Variants in AMER1 observed in about 807,000 individuals in gnomAD.
AMER1 encodes RP11-403E24.2.
AMER1 carries 16 observed loss-of-function variants against 53.0 expected under a neutral mutation model. The ratio of observed to expected loss-of-function variants is 0.30; its 90% CI spans 0.20 to 0.46. The LOEUF is 0.46. AMER1 is among the 20% of genes least tolerant of loss of function. The pLI is 1.00. For synonymous variants in AMER1, 354 were observed against 331.9 expected (o/e 1.07, Z -0.73); for missense variants, 947 against 884.9 (o/e 1.07, Z -0.89).
intron 1 of AMER1, among the ~76,000 whole-genome samples, chrX:64,204,579 C>T (rs1930557316): frequency 8.8e-6 from 1 of 113,260 alleles, no homozygotes; most frequent in Non-Finnish European, 1.9e-5. Context: ...ACCTCGCTAG[C>T]TCTCCTGTAC....
chrX:64,193,719 G>C (rs1448557740), intron 1 of AMER1, among the ~76,000 whole-genome samples: 6 of 111,922 alleles, frequency 5.4e-5, no homozygotes, highest in African/African-American at 2.0e-4. Context: ...TTGGCTGTGG[G>C]AGGTATTATC....
Position 64,192,017 on chromosome X carries a change from C to T in AMER1, c.1270G>A (p.Gly424Ser), listed in dbSNP as rs1930257828. The stretch of plus-strand genomic sequence containing the variant: ...CCTGGGGATGTGGTGGGATGGTAGC[C>T]CAGGTTCATATTGGGCCGTGGATAC... ...QMYPRPNMNL[G>S]YHPTTSPGHH... is the part of the protein sequence containing the mutation. The change falls in exon 2 of 2, where the codon GGC (glycine) becomes AGC (serine). Residue 424 changes from glycine (G) to serine (S), a missense_variant. Gly to Ser is a moderately conservative substitution (Grantham distance 56). Coordinates refer to ENST00000374869, the MANE Select transcript of AMER1 (RefSeq NM_152424.4). 8.3e-7 allele frequency: 1 copy of T among 1,210,084 alleles called. No individual in the cohort carries two copies. Among genetic ancestry groups the T allele is most frequent in the African/African-American group, 1.8e-5 (1 of 57,122 alleles).
intron 1 of AMER1, among the ~76,000 whole-genome samples, chrX:64,202,853 C>A (rs1930516972): frequency 8.9e-6 from 1 of 111,895 alleles, no homozygotes. Context: ...ATTCCCTACT[C>A]TTTGATGCCG....
intron 1 of AMER1, 119 bp downstream of exon 1, chrX:64,205,451 C>A (rs748039675): frequency 9.0e-6 from 1 of 111,603 alleles, no homozygotes; most frequent in Non-Finnish European, 1.9e-5. Context: ...GAGGGGCGAG[C>A]GACCGGGACT....
In AMER1 at chrX:64,189,989, T is replaced by G; in HGVS notation, c.3298A>C (p.Thr1100Pro). The change falls in exon 2 of 2, where the codon ACT becomes CCT. Residue 1100 changes from threonine (T) to proline (P), a missense_variant. Physicochemically the swap from Thr to Pro is conservative, Grantham distance 38. Transcript: ENST00000374869. The stretch of plus-strand genomic sequence containing the variant: ...TCAAGGCTGGAAGGCCCATAGTGAG[T>G]GGGCTGAGGCTGGGGGTGCTCAGGC... ...VRPEHPQPQP[T>P]HYGPSSLDLS... The G allele has an allele frequency of 8.3e-7, 1 of 1,206,886 alleles. No homozygotes were observed. The highest frequency in any genetic ancestry group is 1.1e-6 in the Non-Finnish European group (1 of 893,256).
Position 64,193,354 on chromosome X carries a change from C to G in AMER1, c.-68G>C, listed in dbSNP as rs2147091680. ...CTCAGGCTTCCAGGCACTGTTATAA[C>G]ATTATCAGTCAGGAAGCATCACAGT... On this transcript the variant is annotated 5_prime_UTR_variant, in exon 2 of 2. It removes an upstream start codon present in the reference 5' UTR. Transcript: ENST00000374869. 8.3e-7 allele frequency: 1 copy of G among 1,201,117 alleles called. No homozygotes were observed. The highest frequency in any genetic ancestry group is 1.1e-6 in the Non-Finnish European group (1 of 888,629).
chrX:64,190,243 T>A lies in AMER1; in HGVS notation c.3044A>T (p.Glu1015Val), dbSNP rs756772667. ...GGGACGAGCTAGTTGAGGCCCAGAT[T>A]CCCCAGGTGCCCTTGACTCTGGCAC... ...LSVPESRAPG[E>V]SGPQLARPSH... Residue 1015 changes from glutamate (E) to valine (V), a missense_variant, in exon 2 of 2, where the codon GAA becomes GTA. Transcript: ENST00000374869. The A allele has an allele frequency of 8.3e-7, 1 of 1,210,652 alleles. No individual in the cohort carries two copies. The highest frequency in any genetic ancestry group is 1.7e-5 in the African/African-American group (1 of 57,439).
chrX:64,189,792 A>ATGGGGGGGGGGGG lies in AMER1; in HGVS notation c.*86_*87insCCCCCCCCCCCCA. On this transcript the variant is annotated 3_prime_UTR_variant, in exon 2 of 2. Transcript: ENST00000374869. Reference sequence around the variant, plus strand: ...CCAAAGGGTTTTCAAGTTAAACAACAACCCCCACCCCCCCACCCTTCTGCC... The same window carrying ATGGGGGGGGGGGG: ...CCAAAGGGTTTTCAAGTTAAACAACATGGGGGGGGGGGGACCCCCACCCCCCCACCCTTCTGCC... The ATGGGGGGGGGGGG allele has an allele frequency of 1.3e-6, 1 of 746,979 alleles. No individual in the cohort carries two copies. The highest frequency in any genetic ancestry group is 1.7e-6 in the Non-Finnish European group (1 of 590,434). 61.6% of individuals were successfully genotyped at this position (746,979 alleles called of 1,213,427 possible).
Position 64,187,767 on chromosome X carries a change from A to C in AMER1, c.*2112T>G. ...AATTTCAGCCCCACCATCCCAGAGC[A>C]GCTTTGGTAAGAGGCCAGAAAGTTG... On this transcript the variant is annotated 3_prime_UTR_variant, in exon 2 of 2. Transcript: ENST00000374869. 1.3e-6 allele frequency: 1 copy of C among 776,526 alleles called. No individual in the cohort carries two copies. The highest frequency in any genetic ancestry group is 2.2e-5 in the African/African-American group (1 of 44,662). 64.0% of individuals were successfully genotyped at this position (776,526 alleles called of 1,213,427 possible). A position where few individuals can be genotyped will look rare whatever the true frequency, so the allele number is the denominator to read the frequency against.
At position 64,186,518 on chromosome X, in the gene AMER1, T is replaced by A; in HGVS notation, c.*3361A>T. 1.3e-6 allele frequency: 1 copy of A among 782,464 alleles called. No homozygotes were observed. 64.5% of individuals were successfully genotyped at this position (782,464 alleles called of 1,213,427 possible). A position where few individuals can be genotyped will look rare whatever the true frequency, so the allele number is the denominator to read the frequency against. On this transcript the variant is annotated 3_prime_UTR_variant, in exon 2 of 2. Coordinates refer to ENST00000374869, the MANE Select transcript of AMER1 (RefSeq NM_152424.4). ...CTCCCTGCTAAACCCCATGCCTCCC[T>A]CTAGCAACTGGGCCTGGGGGCTGAG...
At position 64,192,153 on chromosome X, in the gene AMER1, A is replaced by G. The variant is rs2147088984; in HGVS notation, c.1134T>C (p.Asp378=). The part of the protein sequence containing the change: ...GGEEMALPDD[D]DEEEEEEEEV... The stretch of plus-strand genomic sequence containing the variant: ...CTTCTTCCTCTTCTTCCTCCTCGTC[A>G]TCATCATCTGGCAAGGCCATCTCCT... Residue 378 remains aspartate, a synonymous_variant, in exon 2 of 2, where the codon GAT becomes GAC. Coordinates refer to ENST00000374869, the MANE Select transcript of AMER1 (RefSeq NM_152424.4). The G allele has an allele frequency of 8.3e-7, 1 of 1,209,658 alleles. No homozygotes were observed. Among genetic ancestry groups the G allele is most frequent in the Non-Finnish European group, 1.1e-6 (1 of 894,498 alleles).
rs911268873 is a variant in AMER1 at position 64,186,045 on chromosome X, G to T, written c.*3834C>A. 7.1e-6 allele frequency: 7 copies of T among 987,014 alleles called. No homozygotes were observed. The highest frequency in any genetic ancestry group is 9.9e-6 in the Non-Finnish European group (7 of 703,955). 81.3% of individuals were successfully genotyped at this position (987,014 alleles called of 1,213,427 possible). On this transcript the variant is annotated 3_prime_UTR_variant, in exon 2 of 2. Coordinates refer to ENST00000374869, the MANE Select transcript of AMER1 (RefSeq NM_152424.4). ...AATAAGACACATGAGTACTCTCAGA[G>T]GGTCTAGACATGGGGAAGAAGGGTT...
chrX:64,191,839 G>A lies in AMER1; in HGVS notation c.1448C>T (p.Ser483Leu), dbSNP rs2147088333. 8.3e-7 allele frequency: 1 copy of A among 1,211,752 alleles called. No homozygotes were observed. The highest frequency in any genetic ancestry group is 1.1e-6 in the Non-Finnish European group (1 of 895,511). ...GCGGACAAGCCCCAGGGCCTCACCT[G>A]AATCATCCTCAAATCCAGGTGTGGT... ...DSTTPGFEDD[S>L]GEALGLVRRD... Residue 483 changes from serine (S) to leucine (L), a missense_variant, in exon 2 of 2, where the codon TCA (serine) becomes TTA (leucine). Coordinates refer to ENST00000374869, the MANE Select transcript of AMER1 (RefSeq NM_152424.4).
chrX:64,189,794 C>CCT lies in AMER1; in HGVS notation c.*84_*85insAG. The CCT allele has an allele frequency of 1.7e-5, 5 of 301,690 alleles. 1 individual carries two copies. The highest frequency in any genetic ancestry group is 1.1e-4 in the Admixed American group (1 of 8,852). 24.9% of individuals were successfully genotyped at this position (301,690 alleles called of 1,213,427 possible). A position where few individuals can be genotyped will look rare whatever the true frequency, so the allele number is the denominator to read the frequency against. ...AAAGGGTTTTCAAGTTAAACAACAA[C>CCT]CCCCACCCCCCCACCCTTCTGCCCA... is the stretch of plus-strand genomic sequence containing the variant. On this transcript the variant is annotated 3_prime_UTR_variant, in exon 2 of 2. Transcript: ENST00000374869.
rs764261510 is a variant in AMER1, at chrX:64,191,164, G to T, written c.2123C>A (p.Thr708Asn). ...GGTACTTTGATCTTTCTTGGAGCAGGTTCCTTCATAACGCTTCTCCAGAGG... is the reference window on the plus strand; with the variant it reads ...GGTACTTTGATCTTTCTTGGAGCAGTTTCCTTCATAACGCTTCTCCAGAGG... ...FRPLEKRYEG[T>N]CSKKDQSTCL... The change falls in exon 2 of 2, where the codon ACC (threonine) becomes AAC (asparagine). Residue 708 changes from threonine (T) to asparagine (N), a missense_variant. Transcript: ENST00000374869. The T allele has an allele frequency of 7.4e-6, 9 of 1,210,768 alleles. No homozygotes were observed. Among genetic ancestry groups the T allele is most frequent in the African/African-American group, 3.5e-5 (2 of 57,454 alleles).
chrX:64,186,219 G>C lies in AMER1; in HGVS notation c.*3660C>G. 3.4e-6 allele frequency: 4 copies of C among 1,187,874 alleles called. No individual in the cohort carries two copies. Among genetic ancestry groups the C allele is most frequent in the Non-Finnish European group, 4.5e-6 (4 of 880,172 alleles). The stretch of plus-strand genomic sequence containing the variant: ...GGGAGGGAACGGACAGTGTGGTACA[G>C]CTAAGGTAGGGAGAGGGGAAAGAGG... On this transcript the variant is annotated 3_prime_UTR_variant, in exon 2 of 2. Coordinates refer to ENST00000374869, the MANE Select transcript of AMER1 (RefSeq NM_152424.4).
rs2147091394 is a variant in AMER1, at chrX:64,193,205, C to T, written c.82G>A (p.Gly28Arg). 22 of 1,211,914 alleles carry T rather than the reference C, an allele frequency of 1.8e-5. No homozygotes were observed. The highest frequency in any genetic ancestry group is 2.3e-5 in the Non-Finnish European group (21 of 895,556). The change falls in exon 2 of 2, where the codon GGA (glycine) becomes AGA (arginine). Residue 28 changes from glycine to arginine, a missense_variant. Transcript: ENST00000374869. ...GSTREQTAEKGAKNKAAEATE... is the reference protein window; with the variant it reads ...GSTREQTAEKRAKNKAAEATE... ...GCCTCAGCTGCCTTGTTCTTGGCTC[C>T]TTTTTCTGCTGTTTGTTCACGGGTA... is the stretch of plus-strand genomic sequence containing the variant.
rs1930109136 is a variant in AMER1, at chrX:64,186,368, TAAAC to T, written c.*3507_*3510del. 1.1e-6 allele frequency: 1 copy of T among 915,823 alleles called. No individual in the cohort carries two copies. The highest frequency in any genetic ancestry group is 5.4e-5 in the Admixed American group (1 of 18,594). 75.5% of individuals were successfully genotyped at this position (915,823 alleles called of 1,213,427 possible). On this transcript the variant is annotated 3_prime_UTR_variant, in exon 2 of 2. Coordinates refer to ENST00000374869, the MANE Select transcript of AMER1 (RefSeq NM_152424.4). ...AAATAAATCAGAAAAGAACAATTGA[TAAAC>T]ATTGTTTTCCATGAATATAAAATGC...
chrX:64,197,122 G>A (rs942877308), intron 1 of AMER1, among the ~76,000 whole-genome samples: 8 of 112,632 alleles, frequency 7.1e-5, no homozygotes, highest in African/African-American at 2.3e-4. Flanking sequence ...GGCTTTCCCT[G>A]GGGGTCCTGT....
Sources: gnomAD v4.1 joint callset for allele counts (sites outside exome capture counted in the v4.1 genomes callset) on GRCh38, gnomAD v4.1.1 for gene constraint, MANE v1.5 for transcripts, NCBI Gene and HGNC (gene_info 2026-07-23, HGNC 2026-07-21) for gene names.